The following GAB2 variants were observed in gnomAD, a reference collection of about 807,000 sequenced individuals.
GAB2 encodes the protein GRB2 associated binding protein 2, also known as GRB2-associated-binding protein 2.
A neutral mutation model predicts 65.5 loss-of-function variants in GAB2; 26 were observed. The observed-to-expected ratio is 0.40, with a 90% CI of 0.29 to 0.55. GAB2 has a LOEUF of 0.55. GAB2 is among the 20% of genes least tolerant of loss of function. The pLI is 0.53. For missense variants in GAB2, 884 were observed against 875.8 expected (o/e 1.01, Z -0.12); for synonymous variants, 321 against 329.6 (o/e 0.97, Z 0.28).
At chr11:78,268,309 A>T (rs1865919678) in intron 2 of GAB2, among the ~76,000 whole-genome samples, 1 of 152,346 alleles carries the variant, frequency 6.6e-6, no homozygotes, top group East Asian at 1.9e-4. Context: ...TCTGTTTCCC[A>T]GCACAGATCC....
chr11:78,417,685 C>T lies in GAB2; in HGVS notation c.36G>A (p.Trp12Ter). ...SGGGDVVCTGWLRKSPPEKKL... is the reference protein window; with the variant it reads ...SGGGDVVCTG The stretch of plus-strand genomic sequence containing the variant: ...TCTTCTCGGGAGGCGATTTCCTCAG[C>T]CAGCCGGTGCACACCACGTCGCCGC... Residue 12 changes from tryptophan to a stop codon, truncating the protein, a stop_gained, in exon 1 of 10, where the codon TGG becomes TGA. Coordinates refer to ENST00000361507, the MANE Select transcript of GAB2 (RefSeq NM_080491.3). LOFTEE classifies it high-confidence loss of function. 1 of 1,389,302 alleles carries T rather than the reference C, an allele frequency of 7.2e-7. No individual in the cohort carries two copies. Among genetic ancestry groups the T allele is most frequent in the Non-Finnish European group, 9.5e-7 (1 of 1,048,370 alleles). The allele number at this position is 1,389,302 out of a possible 1,614,324, so 86.1% of individuals were successfully genotyped here. A position where few individuals can be genotyped will look rare whatever the true frequency, so the allele number is the denominator to read the frequency against.
intron 1 of GAB2, among the ~76,000 whole-genome samples, chr11:78,319,079 G>A (rs1434289423): frequency 6.8e-6 from 1 of 147,926 alleles, no homozygotes; most frequent in Non-Finnish European, 1.5e-5. Flanking sequence ...AGAGGCCGCT[G>A]AGGTTGCAGG....
At chr11:78,272,457 G>A (rs1866041246) in intron 2 of GAB2, among the ~76,000 whole-genome samples, 1 of 152,150 alleles carries the variant, frequency 6.6e-6, no homozygotes, top group Non-Finnish European at 1.5e-5. Context: ...CAAAGAGGCT[G>A]GAAGCATTTT....
intron 1 of GAB2, among the ~76,000 whole-genome samples, chr11:78,353,358 T>G (rs1049910725): frequency 6.6e-6 from 1 of 152,160 alleles, no homozygotes; most frequent in African/African-American, 2.4e-5. Flanking sequence ...GGAGAATCAC[T>G]TGAACCCAGA....
intron 1 of GAB2, among the ~76,000 whole-genome samples, chr11:78,300,932 T>G (rs1272352615): frequency 6.6e-6 from 1 of 152,160 alleles, no homozygotes; most frequent in Non-Finnish European, 1.5e-5. Context: ...TGACCTCAAG[T>G]AATCCACCTG....
At chr11:78,309,654 C>T (rs1855446154) in intron 1 of GAB2, among the ~76,000 whole-genome samples, 1 of 151,942 alleles carries the variant, frequency 6.6e-6, no homozygotes, top group African/African-American at 2.4e-5. Flanking sequence ...TTTTAAAAAA[C>T]CTGTCTTGAC....
At chr11:78,328,664 C>A (rs1330123337) in intron 1 of GAB2, among the ~76,000 whole-genome samples, 7 of 150,828 alleles carry the variant, frequency 4.6e-5, no homozygotes, top group Non-Finnish European at 1.0e-4. Context: ...ATGAAAGAAG[C>A]CTTACACAAA....
At chr11:78,246,454 G>T (rs1293086857) in intron 3 of GAB2, among the ~76,000 whole-genome samples, 2 of 152,096 alleles carry the variant, frequency 1.3e-5, no homozygotes, top group Admixed American at 6.6e-5. Context: ...ACATGATGTT[G>T]TGTAGATGCT....
chr11:78,226,412 A>G, intron 4 of GAB2, 53 bp downstream of exon 4: 1 of 1,375,170 alleles, frequency 7.3e-7, no homozygotes. Flanking sequence ...ACTATTGAGA[A>G]CCCCTGTGTT....
rs374992850 is a variant in GAB2 at position 78,272,261 on chromosome 11, A to G, written c.376+8340T>C. On this transcript the variant is annotated intron_variant, in intron 2 of 9. Coordinates refer to ENST00000361507, the MANE Select transcript of GAB2 (RefSeq NM_080491.3). ...CTGGGTAACAGGCAGGGGTTGGAAC[A>G]GTTTGCGGGGCTCAGAAGAAGACAG... Among the ~76,000 whole-genome samples the G allele has an allele frequency of 5.9e-5, 9 of 152,322 alleles. No homozygotes were observed. The South Asian group carries it at 1.2e-3, about 21-fold the overall frequency.
intron 1 of GAB2, among the ~76,000 whole-genome samples, chr11:78,317,776 C>T (rs1010382692): frequency 6.6e-6 from 1 of 152,120 alleles, no homozygotes; most frequent in Non-Finnish European, 1.5e-5. Flanking sequence ...CAGCCCTAAA[C>T]AGCCCTGCCA....
rs541642939 is a variant in GAB2 at position 78,399,581 on chromosome 11, C to T, written c.75+18065G>A. ...TGGCAGATCCTTGAGCTGTTCCTTT[C>T]AGGAAAAATTAACTCCCTAAAATTT... On this transcript the variant is annotated intron_variant, in intron 1 of 9. Coordinates refer to ENST00000361507, the MANE Select transcript of GAB2 (RefSeq NM_080491.3). 2.0e-5 allele frequency among the ~76,000 whole-genome samples: 3 copies of T among 152,232 alleles called. No homozygotes were observed. The East Asian group carries it at 5.8e-4, about 29-fold the overall frequency.
intron 4 of GAB2, among the ~76,000 whole-genome samples, chr11:78,225,869 A>G (rs1266710193): frequency 6.6e-6 from 1 of 152,248 alleles, no homozygotes; most frequent in Non-Finnish European, 1.5e-5. Flanking sequence ...CAAACCATAA[A>G]GCAAGATGCA....
chr11:78,416,045 T>C lies in GAB2; in HGVS notation c.75+1601A>G, dbSNP rs369794702. On this transcript the variant is annotated intron_variant, in intron 1 of 9. Transcript: ENST00000361507. The stretch of plus-strand genomic sequence containing the variant: ...AGCTCTTCGGGACAAAGTTTTTAAA[T>C]TATTTATAAAATTGTTAATAGTAAA... Among the ~76,000 whole-genome samples the C allele has an allele frequency of 2.0e-5, 3 of 152,090 alleles. No homozygotes were observed. The East Asian group carries it at 5.8e-4, about 29-fold the overall frequency.
intron 1 of GAB2, among the ~76,000 whole-genome samples, chr11:78,383,187 G>A (rs1347963228): frequency 2.0e-5 from 3 of 152,226 alleles, no homozygotes; most frequent in South Asian, 2.1e-4. Context: ...CAGAAGAATC[G>A]CTTGAACCTG....
At chr11:78,326,208 T>C (rs1268455244) in intron 1 of GAB2, among the ~76,000 whole-genome samples, 1 of 152,244 alleles carries the variant, frequency 6.6e-6, no homozygotes, top group Non-Finnish European at 1.5e-5. Flanking sequence ...TTAGTTTTTA[T>C]GAAAGATGCT....
At chr11:78,390,061 C>T (rs1856815975) in intron 1 of GAB2, among the ~76,000 whole-genome samples, 2 of 152,184 alleles carry the variant, frequency 1.3e-5, no homozygotes, top group South Asian at 4.1e-4. Context: ...TAACACTACA[C>T]ACGCCACGTG....
intron 1 of GAB2, among the ~76,000 whole-genome samples, chr11:78,392,571 T>A (rs1856847550): frequency 6.6e-6 from 1 of 152,156 alleles, no homozygotes; most frequent in African/African-American, 2.4e-5. Context: ...CTTTGTGGAA[T>A]GATCGATAGA....
In GAB2 at chr11:78,417,745, G is replaced by C; in HGVS notation, c.-25C>G. The C allele has an allele frequency of 1.6e-6, 2 of 1,220,752 alleles. No homozygotes were observed. Among genetic ancestry groups the C allele is most frequent in the Non-Finnish European group, 2.1e-6 (2 of 957,158 alleles). The allele number at this position is 1,220,752 out of a possible 1,614,324, so 75.6% of individuals were successfully genotyped here. ...TGCTGCCGGCCTGGAGCCCCCCGCC[G>C]GGTCGCGCGGACGAGGGCGCGGGCT... On this transcript the variant is annotated 5_prime_UTR_variant, in exon 1 of 10. Coordinates refer to ENST00000361507, the MANE Select transcript of GAB2 (RefSeq NM_080491.3).
Sources: gnomAD v4.1 joint callset for allele counts (sites outside exome capture counted in the v4.1 genomes callset) on GRCh38, gnomAD v4.1.1 for gene constraint, MANE v1.5 for transcripts, NCBI Gene and HGNC (gene_info 2026-07-23, HGNC 2026-07-21) for gene names.